The following PRKAR1A variants were observed in gnomAD, a reference collection of about 807,000 sequenced individuals.
PRKAR1A encodes protein kinase cAMP-dependent type I regulatory subunit alpha.
Under a neutral mutation model 52.0 loss-of-function variants are expected in PRKAR1A, and 3 were observed. The ratio of observed to expected loss-of-function variants is 0.06; its 90% CI spans 0.03 to 0.15. The LOEUF is 0.15. Among genes scored for constraint, PRKAR1A ranks in the 10% least tolerant of loss-of-function variants. PRKAR1A has a pLI of 1.00. For missense variants in PRKAR1A, 240 were observed against 477.4 expected, an observed-to-expected ratio of 0.50 and a Z score of 4.63; for synonymous variants, 188 against 168.4, an observed-to-expected ratio of 1.12 and a Z score of -0.90.
intron 11 of PRKAR1A, chr17:68,543,620 A>G: frequency 1.2e-6 from 2 of 1,613,866 alleles, no homozygotes; most frequent in South Asian, 2.2e-5. Flanking sequence ...CCATGGGGCC[A>G]GACCCTACCT....
chr17:68,432,006 G>T, the PRKAR1A span, among the ~76,000 whole-genome samples: 1 of 152,090 alleles, frequency 6.6e-6, no homozygotes, highest in African/African-American at 2.4e-5. Context: ...ATGAATTAAG[G>T]CTCCAAAAAA....
the PRKAR1A span, chr17:68,444,619 G>C: frequency 6.3e-7 from 1 of 1,582,434 alleles, no homozygotes; most frequent in South Asian, 1.1e-5. Context: ...TCAGTCTACC[G>C]AACCGTTCCT....
intron 11 of PRKAR1A, among the ~76,000 whole-genome samples, chr17:68,548,772 G>A (rs575362522): frequency 6.7e-5 from 8 of 119,652 alleles, no homozygotes; most frequent in Admixed American, 3.3e-4. Context: ...TCCCTCTGTC[G>A]CCTGGGCTGG....
the PRKAR1A span, among the ~76,000 whole-genome samples, chr17:68,460,642 A>G: frequency 6.6e-6 from 1 of 152,238 alleles, no homozygotes; most frequent in Non-Finnish European, 1.5e-5. Context: ...CCAAGACAAT[A>G]TGTAAGTCTG....
intron 8 of PRKAR1A, 149 bp downstream of exon 8, chr17:68,528,049 A>C: frequency 1.4e-6 from 1 of 698,142 alleles, no homozygotes; most frequent in Non-Finnish European, 2.5e-6. Flanking sequence ...GACTGTGGAC[A>C]TTCACAGTTA....
downstream of PRKAR1A, chr17:68,536,229 C>T: frequency 2.2e-6 from 1 of 454,134 alleles, no homozygotes; most frequent in Non-Finnish European, 4.4e-6. Flanking sequence ...TTAGTGACAG[C>T]TCCATTCTAT....
upstream of PRKAR1A, chr17:68,512,400 C>G (rs926799231): frequency 6.5e-6 from 1 of 152,996 alleles, no homozygotes; most frequent in Non-Finnish European, 1.5e-5. Flanking sequence ...TAGCCGAACG[C>G]TGATTGGCTG....
chr17:68,502,082 T>C, the PRKAR1A span, among the ~76,000 whole-genome samples: 1 of 152,232 alleles, frequency 6.6e-6, no homozygotes, highest in Non-Finnish European at 1.5e-5. Flanking sequence ...ACTTGGATCA[T>C]TGCAACAGAC....
chr17:68,461,987 ATGAAGAGGCCCTATCATG>A, the PRKAR1A span, among the ~76,000 whole-genome samples: 3 of 152,186 alleles, frequency 2.0e-5, no homozygotes, highest in East Asian at 5.8e-4. The surrounding 1 kb of genome is among the most constrained non-coding windows in gnomAD (Gnocchi z 4.6). Context: ...GCTGCAGTGA[ATGAAGAGGCCCTATCATG>A]TGCCCTTGTC....
At chr17:68,450,775 T>A in the PRKAR1A span, 1 of 1,613,668 alleles carries the variant, frequency 6.2e-7, no homozygotes, top group Admixed American at 1.7e-5. Flanking sequence ...TAGCTGTAAT[T>A]ACAGATCTCT....
chr17:68,527,852 A>C lies in PRKAR1A; in HGVS notation c.721A>C (p.Arg241=). The C allele has an allele frequency of 6.2e-7, 1 of 1,612,010 alleles. No homozygotes were observed. Among genetic ancestry groups the C allele is most frequent in the South Asian group, 1.1e-5 (1 of 91,046 alleles). Residue 241 remains arginine (R), a synonymous_variant, in exon 8 of 11, where the codon AGA becomes CGA. Coordinates refer to ENST00000589228, the MANE Select transcript of PRKAR1A (RefSeq NM_002734.5). ...TTTTTATTTTTAGGGAAGCACACTG[A>C]GAAAGCGGAAGATGTATGAGGAATT... ...YRRILMGSTL[R]KRKMYEEFLS...
chr17:68,500,052 AG>A, the PRKAR1A span, among the ~76,000 whole-genome samples: 1 of 152,248 alleles, frequency 6.6e-6, no homozygotes, highest in East Asian at 1.9e-4. Context: ...TTGCAAACAA[AG>A]AAACATAACC....
the PRKAR1A span, among the ~76,000 whole-genome samples, chr17:68,489,884 G>A: frequency 0.14 from 20,776 of 152,146 alleles, 1,525 homozygotes; most frequent in South Asian, 0.18. Flanking sequence ...CCAAAGAGGT[G>A]TGGGGTATTT....
the PRKAR1A span, chr17:68,433,517 T>C: frequency 6.2e-7 from 1 of 1,614,008 alleles, no homozygotes; most frequent in Admixed American, 1.7e-5. Flanking sequence ...TCGGTGTTAC[T>C]GGAGGCGCAG....
the PRKAR1A span, among the ~76,000 whole-genome samples, chr17:68,505,388 A>T: frequency 6.6e-6 from 1 of 152,242 alleles, no homozygotes; most frequent in Non-Finnish European, 1.5e-5. Flanking sequence ...CACAGGGGAT[A>T]TTTGTGGCAG....
chr17:68,541,094 A>G, intron 11 of PRKAR1A: 1 of 1,364,490 alleles, frequency 7.3e-7, no homozygotes, highest in Non-Finnish European at 1.0e-6. Flanking sequence ...TCTAAAATTC[A>G]GAAAGGCCCT....
chr17:68,444,592 G>A, the PRKAR1A span: 1 of 1,611,792 alleles, frequency 6.2e-7, no homozygotes, highest in African/African-American at 1.3e-5. Flanking sequence ...AGCAGCCTCT[G>A]TAATCACACA....
chr17:68,436,437 G>A, the PRKAR1A span: 15 of 1,613,902 alleles, frequency 9.3e-6, no homozygotes, highest in Admixed American at 1.7e-4. Flanking sequence ...TCCAGGATAG[G>A]CCAGGTAAGA....
intron 1 of PRKAR1A, chr17:68,513,056 C>G (rs1295110575): frequency 1.3e-5 from 2 of 152,310 alleles, no homozygotes; most frequent in African/African-American, 2.4e-5. Context: ...TGATCTTTCC[C>G]CCAACACGAC....
Sources: gnomAD v4.1 joint callset for allele counts (sites outside exome capture counted in the v4.1 genomes callset) on GRCh38, gnomAD v4.1.1 for gene constraint, Gnocchi (gnomAD v3.1) non-coding constraint, MANE v1.5 for transcripts, NCBI Gene and HGNC (gene_info 2026-07-23, HGNC 2026-07-21) for gene names.